IL1RAPL2: variants seen among roughly 807,000 people sequenced by gnomAD.
The protein encoded by IL1RAPL2 is interleukin 1 receptor accessory protein like 2, also known as X-linked interleukin-1 receptor accessory protein-like 2.
A neutral mutation model predicts 44.1 loss-of-function variants in IL1RAPL2; 3 were observed. The ratio of observed to expected loss-of-function variants is 0.07; its 90% CI spans 0.03 to 0.18. The LOEUF (loss-of-function observed/expected upper bound fraction) is 0.18, where lower values mean the gene tolerates loss of function less well. IL1RAPL2 is among the 10% of genes least tolerant of loss of function. The pLI is 1.00. For missense variants in IL1RAPL2, 391 were observed against 496.4 expected, an observed-to-expected ratio of 0.79 and a Z score of 2.02; for synonymous variants, 181 against 178.8, an observed-to-expected ratio of 1.01 and a Z score of -0.10.
intron 2 of IL1RAPL2, among the ~76,000 whole-genome samples, chrX:104,974,100 A>G (rs2030288188): frequency 9.0e-6 from 1 of 111,691 alleles, no homozygotes; most frequent in Non-Finnish European, 1.9e-5. Context: ...ATACATTGGC[A>G]TTCTATATAT....
At chrX:104,735,860 C>A (rs1439796905) in intron 2 of IL1RAPL2, among the ~76,000 whole-genome samples, 3 of 111,490 alleles carry the variant, frequency 2.7e-5, no homozygotes, top group African/African-American at 9.8e-5. Context: ...GTGTCAAGAT[C>A]TCATCCTTAA....
chrX:104,655,415 A>T (rs1237584274), intron 1 of IL1RAPL2, among the ~76,000 whole-genome samples: 1 of 111,880 alleles, frequency 8.9e-6, no homozygotes, highest in South Asian at 3.8e-4. Context: ...CCTCTTCTGC[A>T]TCTATTGAGA....
intron 3 of IL1RAPL2, chrX:105,219,992 G>T (rs1219219851): frequency 8.3e-7 from 1 of 1,207,443 alleles, no homozygotes; most frequent in Non-Finnish European, 1.1e-6. Context: ...ACCTCCACGA[G>T]GCTGGTCTGG....
chrX:105,565,667 C>T (rs756965426), intron 6 of IL1RAPL2, among the ~76,000 whole-genome samples: 1 of 112,225 alleles, frequency 8.9e-6, no homozygotes, highest in East Asian at 2.8e-4. Flanking sequence ...CTTTCCCACA[C>T]CGCACCTCCA....
At chrX:105,315,977 TA>T (rs1318392263) in intron 5 of IL1RAPL2, among the ~76,000 whole-genome samples, 1 of 110,045 alleles carries the variant, frequency 9.1e-6, no homozygotes, top group Admixed American at 9.8e-5. Context: ...AGAAGGGTAT[TA>T]AAAAATAAAT....
intron 2 of IL1RAPL2, among the ~76,000 whole-genome samples, chrX:104,678,611 C>T (rs772107589): frequency 1.8e-5 from 2 of 112,247 alleles, no homozygotes; most frequent in African/African-American, 6.5e-5. Context: ...TCTTTTACCT[C>T]TTTCCATTTT....
chrX:105,712,910 A>G (rs192246387), intron 6 of IL1RAPL2, among the ~76,000 whole-genome samples: 54 of 112,372 alleles, frequency 4.8e-4, no homozygotes, highest in African/African-American at 1.7e-3. Flanking sequence ...AAAATGGCCA[A>G]AACAAAGAAG....
chrX:104,908,709 C>A (rs1428488003), intron 2 of IL1RAPL2, among the ~76,000 whole-genome samples: 1 of 109,839 alleles, frequency 9.1e-6, no homozygotes, highest in Admixed American at 9.7e-5. Flanking sequence ...GAGGGTAACC[C>A]GACCTTTCTC....
chrX:105,023,024 T>C (rs2031308826), intron 2 of IL1RAPL2, among the ~76,000 whole-genome samples: 1 of 110,844 alleles, frequency 9.0e-6, no homozygotes, highest in South Asian at 3.8e-4. Flanking sequence ...AGAAAGGAGA[T>C]AGAATGTTAG....
At chrX:104,978,192 A>G (rs2030372727) in intron 2 of IL1RAPL2, among the ~76,000 whole-genome samples, 1 of 112,254 alleles carries the variant, frequency 8.9e-6, no homozygotes, top group Non-Finnish European at 1.9e-5. Context: ...TAAATTGATG[A>G]TACTTCTATG....
chrX:105,449,754 C>A (rs1168320007), intron 5 of IL1RAPL2, among the ~76,000 whole-genome samples: 1 of 109,260 alleles, frequency 9.2e-6, no homozygotes, highest in African/African-American at 3.4e-5. Context: ...AAAAAAAAAA[C>A]AAAAAACAAA....
chrX:105,146,601 G>A (rs1487075761), intron 2 of IL1RAPL2, among the ~76,000 whole-genome samples: 1 of 111,661 alleles, frequency 9.0e-6, no homozygotes, highest in Non-Finnish European at 1.9e-5. Context: ...GCCATTTAAA[G>A]TGTACACTTC....
At chrX:105,121,984 A>G (rs960730519) in intron 2 of IL1RAPL2, among the ~76,000 whole-genome samples, 1 of 111,261 alleles carries the variant, frequency 9.0e-6, no homozygotes, top group African/African-American at 3.3e-5. Context: ...TCTGGAGCAC[A>G]GATGTGTCAG....
At chrX:104,909,397 T>A (rs1260552790) in intron 2 of IL1RAPL2, among the ~76,000 whole-genome samples, 1 of 112,342 alleles carries the variant, frequency 8.9e-6, no homozygotes, top group Non-Finnish European at 1.9e-5. Flanking sequence ...GGAATTGCGT[T>A]CCTTTGGAGG....
At chrX:104,949,151 G>A (rs1204026746) in intron 2 of IL1RAPL2, among the ~76,000 whole-genome samples, 2 of 109,617 alleles carry the variant, frequency 1.8e-5, no homozygotes, top group Admixed American at 9.7e-5. Context: ...TCTTGGGAGA[G>A]TGTATGTGTC....
At chrX:104,643,432 C>A (rs1298697405) in intron 1 of IL1RAPL2, among the ~76,000 whole-genome samples, 1 of 112,026 alleles carries the variant, frequency 8.9e-6, no homozygotes, top group South Asian at 3.7e-4. Context: ...AATTAAAATA[C>A]ATATCACTGA....
intron 2 of IL1RAPL2, among the ~76,000 whole-genome samples, chrX:104,757,473 A>G (rs1932359085): frequency 8.9e-6 from 1 of 111,780 alleles, no homozygotes; most frequent in Non-Finnish European, 1.9e-5. Flanking sequence ...GTGGATATGT[A>G]AATTGGAGAC....
intron 5 of IL1RAPL2, among the ~76,000 whole-genome samples, chrX:105,288,654 G>A (rs2034589054): frequency 9.1e-6 from 1 of 110,427 alleles, no homozygotes; most frequent in African/African-American, 3.3e-5. Flanking sequence ...ACCCATTAAT[G>A]AGTTTTGATG....
chrX:104,614,804 A>C (rs1178523485), intron 1 of IL1RAPL2, among the ~76,000 whole-genome samples: 2 of 112,009 alleles, frequency 1.8e-5, no homozygotes, highest in African/African-American at 6.5e-5. Flanking sequence ...TGACATAAGA[A>C]TCATGACCCC....
Sources: allele counts gnomAD v4.1 joint callset (sites outside exome capture counted in the v4.1 genomes callset), GRCh38; gene constraint gnomAD v4.1.1; transcripts MANE v1.5; gene names NCBI Gene and HGNC (gene_info 2026-07-23, HGNC 2026-07-21).